Variants in CHIA observed in about 807,000 individuals in gnomAD.
CHIA encodes the protein acidic mammalian chitinase.
Under a neutral mutation model 53.5 loss-of-function variants are expected in CHIA, and 47 were observed. The ratio of observed to expected loss-of-function variants is 0.88; its 90% CI spans 0.70 to 1.12. The LOEUF is 1.12. Ranked by LOEUF, CHIA falls within the 50% of genes most tolerant of loss-of-function variation. The pLI is 0.00. For synonymous variants in CHIA, 268 were observed against 222.2 expected, an observed-to-expected ratio of 1.21 and a Z score of -1.83; for missense variants, 652 against 592.2, an observed-to-expected ratio of 1.10 and a Z score of -1.05.
intron 1 of CHIA, among the ~76,000 whole-genome samples, chr1:111,291,193 T>C (rs190768569): frequency 4.0e-4 from 61 of 152,280 alleles, no homozygotes; most frequent in Admixed American, 2.5e-3. Context: ...ATCATTCTAC[T>C]ATAAAGACAC....
intron 1 of CHIA, 21 bp downstream of exon 1, chr1:111,290,971 A>T (rs775055907): frequency 7.1e-6 from 3 of 419,860 alleles, no homozygotes. Context: ...ATATATATAT[A>T]TCTTTTCCCT....
chr1:111,320,114 C>A, intron 11 of CHIA, 99 bp from the exon 12 acceptor site: 2 of 1,080,340 alleles, frequency 1.9e-6, no homozygotes, highest in Middle Eastern at 3.2e-4. Context: ...AACTGCACCC[C>A]ACCTCCACAC....
At chr1:111,319,973 A>G (rs1420621791) in intron 11 of CHIA, among the ~76,000 whole-genome samples, 6 of 152,152 alleles carry the variant, frequency 3.9e-5, no homozygotes, top group African/African-American at 1.4e-4. Flanking sequence ...TTTTTTTTGA[A>G]TGATTTAGAT....
At chr1:111,297,854 G>A (rs543322691) in intron 1 of CHIA, among the ~76,000 whole-genome samples, 13 of 115,370 alleles carry the variant, frequency 1.1e-4, no homozygotes, top group Non-Finnish European at 2.2e-4. Flanking sequence ...GACATACATA[G>A]GCTCAAAATA....
chr1:111,315,702 A>G (rs1047208331), intron 6 of CHIA: 2 of 528,828 alleles, frequency 3.8e-6, no homozygotes, highest in Non-Finnish European at 7.2e-6. Context: ...TATGGCATAC[A>G]TACTATAAGT....
chr1:111,299,339 A>G (rs186453913), intron 1 of CHIA, among the ~76,000 whole-genome samples: 206 of 152,364 alleles, frequency 1.4e-3, no homozygotes, highest in African/African-American at 3.8e-3. Context: ...AAAATCCTCA[A>G]TAAAATACTG....
At chr1:111,311,545 A>G in intron 2 of CHIA, 144 bp from the exon 3 acceptor site, 1 of 872,984 alleles carries the variant, frequency 1.1e-6, no homozygotes, top group Non-Finnish European at 1.9e-6. Context: ...TGTTGTATTC[A>G]CTGAAAAGCC....
chr1:111,304,027 C>CT (rs1020090034), intron 1 of CHIA, among the ~76,000 whole-genome samples: 10 of 152,116 alleles, frequency 6.6e-5, no homozygotes, highest in African/African-American at 2.2e-4. Context: ...TTGGTTGACA[C>CT]TTTTTTTCTT....
In CHIA at chr1:111,311,727, T is replaced by A. The variant is rs763158059; in HGVS notation, c.55+9T>A. 43 of 1,613,028 alleles carry A rather than the reference T, an allele frequency of 2.7e-5. No individual in the cohort carries two copies. Among genetic ancestry groups the A allele is most frequent in the Non-Finnish European group, 3.3e-5 (39 of 1,179,176 alleles). ...ACTGAATTTGCAGCTCGGTAAGTCA[T>A]GGACTCCATGTTTTATCATTGAATG... On this transcript the variant is annotated intron_variant, in intron 3 of 11. Coordinates refer to ENST00000369740, the MANE Select transcript of CHIA (RefSeq NM_201653.4).
At chr1:111,291,304 A>G (rs1182615420) in intron 1 of CHIA, among the ~76,000 whole-genome samples, 1 of 152,220 alleles carries the variant, frequency 6.6e-6, no homozygotes, top group Admixed American at 6.5e-5. Flanking sequence ...AATGTGGTAC[A>G]TATACATCAC....
At chr1:111,319,587 C>G in intron 11 of CHIA, 119 bp downstream of exon 11, 1 of 911,496 alleles carries the variant, frequency 1.1e-6, no homozygotes, top group South Asian at 1.7e-5. Flanking sequence ...TTCACCTCAC[C>G]GCTCTTGCCC....
intron 8 of CHIA, 33 bp from the exon 9 acceptor site, chr1:111,318,460 T>C: frequency 6.3e-7 from 1 of 1,586,570 alleles, no homozygotes; most frequent in Non-Finnish European, 8.6e-7. Context: ...CCTCAGCTGG[T>C]TGGGCCATGT....
intron 1 of CHIA, among the ~76,000 whole-genome samples, chr1:111,301,055 G>A (rs1470037517): frequency 1.3e-5 from 2 of 152,206 alleles, no homozygotes; most frequent in Non-Finnish European, 2.9e-5. Context: ...AGTTAGAATG[G>A]AGATCATTAA....
chr1:111,313,938 C>T (rs900859301), intron 4 of CHIA, among the ~76,000 whole-genome samples: 9 of 152,138 alleles, frequency 5.9e-5, no homozygotes, highest in Admixed American at 3.9e-4. Flanking sequence ...AACTCCTTTA[C>T]GGCAGTGTTT....
intron 1 of CHIA, among the ~76,000 whole-genome samples, chr1:111,309,700 G>A (rs1200959933): frequency 6.6e-6 from 1 of 152,166 alleles, no homozygotes; most frequent in African/African-American, 2.4e-5. Flanking sequence ...GGGGTAGATT[G>A]GAGTTAATTT....
intron 1 of CHIA, among the ~76,000 whole-genome samples, chr1:111,298,545 G>C (rs1320867211): frequency 2.0e-5 from 3 of 152,122 alleles, no homozygotes; most frequent in African/African-American, 7.2e-5. Flanking sequence ...TTTGAAACCA[G>C]TAAGAACAGA....
chr1:111,318,805 T>C, intron 9 of CHIA, 127 bp downstream of exon 9: 1 of 1,055,380 alleles, frequency 9.5e-7, no homozygotes, highest in African/African-American at 1.6e-5. Context: ...CTGCTTAAAG[T>C]GTTTAAATAG....
chr1:111,291,683 T>A (rs1042080350), intron 1 of CHIA, among the ~76,000 whole-genome samples: 1 of 151,860 alleles, frequency 6.6e-6, no homozygotes, highest in Non-Finnish European at 1.5e-5. Flanking sequence ...AAAATTTTTT[T>A]TAAAAAGGGG....
intron 1 of CHIA, among the ~76,000 whole-genome samples, chr1:111,296,328 T>C (rs563943544): frequency 1.3e-5 from 2 of 151,956 alleles, no homozygotes. Flanking sequence ...TGACACCTCA[T>C]ACAGGTGGGA....
Sources: gnomAD v4.1 joint callset for allele counts (sites outside exome capture counted in the v4.1 genomes callset) on GRCh38, gnomAD v4.1.1 for gene constraint, MANE v1.5 for transcripts, NCBI Gene and HGNC (gene_info 2026-07-23, HGNC 2026-07-21) for gene names.